SPAG6: variants seen among roughly 807,000 people sequenced by gnomAD.
SPAG6 encodes the protein sperm associated antigen 6.
A neutral mutation model predicts 58.5 loss-of-function variants in SPAG6; 49 were observed. The ratio of observed to expected loss-of-function variants is 0.84; its 90% confidence interval spans 0.67 to 1.06. The LOEUF is 1.06. Ranked by LOEUF, SPAG6 falls within the 50% of genes least tolerant of loss-of-function variation. The pLI, the probability that SPAG6 is intolerant of heterozygous loss-of-function variation, is 0.00. For missense variants in SPAG6, 560 were observed against 611.3 expected (o/e 0.92, Z 0.89); for synonymous variants, 233 against 225.6 (o/e 1.03, Z -0.29).
chr10:22,361,464 G>C (rs1295584107), intron 2 of SPAG6: 1 of 152,370 alleles, frequency 6.6e-6, no homozygotes, highest in African/African-American at 2.4e-5. Flanking sequence ...GGGAGGCCAA[G>C]GTGAGTAAAT....
chr10:22,380,017 C>T (rs1053692603), intron 4 of SPAG6, among the ~76,000 whole-genome samples: 8 of 152,026 alleles, frequency 5.3e-5, no homozygotes, highest in Non-Finnish European at 1.0e-4. Flanking sequence ...TGGTCTTGAA[C>T]CCCTGGATGC....
At position 22,383,212 on chromosome 10, in the gene SPAG6, A is replaced by G. The variant is rs968530829; in HGVS notation, c.473-3542A>G. Among the ~76,000 whole-genome samples the G allele has an allele frequency of 3.3e-5, 5 of 152,326 alleles. No homozygotes were observed. In the East Asian group the frequency reaches 9.6e-4, roughly 29 times the overall value. Reference sequence around the variant, plus strand: ...TCAATCTTTGATTTCATAATGTGATAATTGGACATCTAAAAACTCATTTCC... The same window carrying G: ...TCAATCTTTGATTTCATAATGTGATGATTGGACATCTAAAAACTCATTTCC... On this transcript the variant is annotated intron_variant, in intron 4 of 10. Transcript: ENST00000376624.
chr10:22,388,276 C>G (rs1408803925), intron 6 of SPAG6, among the ~76,000 whole-genome samples: 1 of 151,922 alleles, frequency 6.6e-6, no homozygotes, highest in Non-Finnish European at 1.5e-5. Flanking sequence ...TGTCTCCATA[C>G]TTTGCCATGT....
At chr10:22,399,261 A>G (rs759073837) in intron 8 of SPAG6, among the ~76,000 whole-genome samples, 3 of 152,244 alleles carry the variant, frequency 2.0e-5, no homozygotes, top group African/African-American at 2.4e-5. Context: ...GAATATTTTC[A>G]TCATCCCAGA....
At chr10:22,403,051 TAGAC>T (rs1025842030) in intron 9 of SPAG6, among the ~76,000 whole-genome samples, 7 of 152,186 alleles carry the variant, frequency 4.6e-5, no homozygotes, top group African/African-American at 9.7e-5. Flanking sequence ...GTGTGGAAGT[TAGAC>T]AGCCCCAAGA....
At chr10:22,360,465 C>CAA (rs758460726) in intron 2 of SPAG6, among the ~76,000 whole-genome samples, 9 of 54,836 alleles carry the variant, frequency 1.6e-4, no homozygotes, top group Middle Eastern at 0.01. Context: ...AACCATGTCA[C>CAA]AAAAAAAAAA....
At chr10:22,393,154 T>G (rs1485830550) in intron 8 of SPAG6, among the ~76,000 whole-genome samples, 7 of 152,184 alleles carry the variant, frequency 4.6e-5, no homozygotes, top group Admixed American at 4.6e-4. Context: ...GATATACATG[T>G]ATACGTGTAT....
intron 9 of SPAG6, among the ~76,000 whole-genome samples, chr10:22,410,097 T>G (rs1190772217): frequency 6.6e-6 from 1 of 152,214 alleles, no homozygotes; most frequent in African/African-American, 2.4e-5. Context: ...TGACTTGTTT[T>G]TTAGTTTTCA....
rs751582113 is a variant in SPAG6, at chr10:22,411,143, G to A, written c.1427G>A (p.Ser476Asn). 53 of 1,613,064 alleles carry A rather than the reference G, an allele frequency of 3.3e-5. No homozygotes were observed. Among genetic ancestry groups the A allele is most frequent in the Non-Finnish European group, 4.5e-5 (53 of 1,179,702 alleles). ...TCTCTCCTTCAAGAATACATCAACA[G>A]TATTAACAGTTGTTACCCCGAGGAA... is the stretch of plus-strand genomic sequence containing the variant. ...PGSLLQEYIN[S>N]INSCYPEEIV... The change falls in exon 10 of 11, where the codon AGT becomes AAT. Residue 476 changes from serine to asparagine, a missense_variant. By Grantham distance (46) the Ser-to-Asn change is conservative. Transcript: ENST00000376624.
chr10:22,359,193 G>A (rs1485869555), intron 2 of SPAG6, among the ~76,000 whole-genome samples: 2 of 152,072 alleles, frequency 1.3e-5, no homozygotes, highest in East Asian at 1.9e-4. Flanking sequence ...GACAGTGAAA[G>A]GTGAATCCTT....
At chr10:22,408,743 C>T (rs544923753) in intron 9 of SPAG6, among the ~76,000 whole-genome samples, 242 of 152,314 alleles carry the variant, frequency 1.6e-3, no homozygotes, top group Non-Finnish European at 2.6e-3. Context: ...GCCTCGCTGC[C>T]GCCTTTCAGT....
At chr10:22,394,666 A>G (rs957996457) in intron 8 of SPAG6, among the ~76,000 whole-genome samples, 5 of 152,064 alleles carry the variant, frequency 3.3e-5, no homozygotes, top group Non-Finnish European at 5.9e-5. Flanking sequence ...TTCTGTCTCT[A>G]TGGATTTGTC....
intron 2 of SPAG6, chr10:22,346,069 A>T (rs536311237): frequency 5.9e-6 from 9 of 1,523,262 alleles, no homozygotes; most frequent in Non-Finnish European, 8.0e-6. Flanking sequence ...TTGAAAGTCG[A>T]GGCCCTAGGA....
chr10:22,359,210 G>T (rs975365731), intron 2 of SPAG6, among the ~76,000 whole-genome samples: 2 of 152,140 alleles, frequency 1.3e-5, no homozygotes, highest in African/African-American at 4.8e-5. Context: ...CCTTTACTGT[G>T]TAATTGGTTA....
intron 9 of SPAG6, among the ~76,000 whole-genome samples, chr10:22,402,483 G>A (rs556576631): frequency 2.6e-4 from 39 of 152,274 alleles, no homozygotes; most frequent in African/African-American, 9.4e-4. Context: ...TCTGCTAACA[G>A]CCTTCAGTTC....
chr10:22,378,370 A>G (rs1833872319), intron 4 of SPAG6, among the ~76,000 whole-genome samples: 1 of 150,658 alleles, frequency 6.6e-6, no homozygotes, highest in Non-Finnish European at 1.5e-5. Flanking sequence ...GGCCATGAGT[A>G]CAGATTTCTT....
intron 2 of SPAG6, among the ~76,000 whole-genome samples, chr10:22,363,111 ATG>A (rs1312725941): frequency 6.6e-6 from 1 of 152,188 alleles, no homozygotes; most frequent in Non-Finnish European, 1.5e-5. Context: ...AACATTTTGG[ATG>A]TACTTAACTC....
chr10:22,402,949 T>C (rs1211696874), intron 9 of SPAG6, among the ~76,000 whole-genome samples: 1 of 152,154 alleles, frequency 6.6e-6, no homozygotes, highest in Non-Finnish European at 1.5e-5. Flanking sequence ...TCTTTTAGGC[T>C]AGTGAGTGAG....
intron 7 of SPAG6, among the ~76,000 whole-genome samples, chr10:22,390,605 A>G (rs1458872138): frequency 6.6e-6 from 1 of 152,146 alleles, no homozygotes; most frequent in Non-Finnish European, 1.5e-5. Context: ...CTTATTTGTT[A>G]TTCATTATAA....
Sources: allele counts gnomAD v4.1 joint callset (sites outside exome capture counted in the v4.1 genomes callset), GRCh38; gene constraint gnomAD v4.1.1; transcripts MANE v1.5; gene names NCBI Gene and HGNC (gene_info 2026-07-23, HGNC 2026-07-21).